The following DACH1 variants were observed in gnomAD, a reference collection of about 807,000 sequenced individuals.
DACH1 encodes dachshund homolog 1.
Under a neutral mutation model 54.2 loss-of-function variants are expected in DACH1, and 12 were observed. The ratio of observed to expected loss-of-function variants is 0.22; its 90% CI spans 0.14 to 0.36. The LOEUF (loss-of-function observed/expected upper bound fraction) is 0.36. DACH1 is among the 10% of genes least tolerant of loss of function. DACH1 has a pLI of 1.00. For missense variants in DACH1, 805 were observed against 929.8 expected (o/e 0.87, Z 1.75); for synonymous variants, 386 against 366.2 (o/e 1.05, Z -0.62).
At chr13:71,835,937 C>A (rs1269590827) in intron 1 of DACH1, among the ~76,000 whole-genome samples, 2 of 151,974 alleles carry the variant, frequency 1.3e-5, no homozygotes, top group African/African-American at 4.8e-5. Flanking sequence ...GATATTTATA[C>A]CTCTTAATAC....
chr13:71,673,721 G>A (rs1594080942), intron 2 of DACH1, among the ~76,000 whole-genome samples: 1 of 151,964 alleles, frequency 6.6e-6, no homozygotes, highest in Non-Finnish European at 1.5e-5. Flanking sequence ...TAACAAACCG[G>A]CACGTTCTGC....
At chr13:71,748,896 T>TTCTTTCTC (rs1884768009) in intron 1 of DACH1, among the ~76,000 whole-genome samples, 4 of 64,946 alleles carry the variant, frequency 6.2e-5, no homozygotes, top group African/African-American at 2.9e-4. Flanking sequence ...CTTTCTTTCT[T>TTCTTTCTC]TCTCTTTCTT....
intron 6 of DACH1, among the ~76,000 whole-genome samples, chr13:71,549,007 T>C (rs949969106): frequency 7.9e-5 from 12 of 151,992 alleles, no homozygotes; most frequent in Non-Finnish European, 1.5e-4. Flanking sequence ...ACACATAACC[T>C]TCCTCTGTAG....
At chr13:71,669,194 G>C (rs1880063937) in intron 2 of DACH1, among the ~76,000 whole-genome samples, 1 of 152,130 alleles carries the variant, frequency 6.6e-6, no homozygotes, top group South Asian at 2.1e-4. Context: ...CCACAGACCA[G>C]TATGGGTCCT....
chr13:71,558,364 G>T (rs574688142), intron 5 of DACH1, among the ~76,000 whole-genome samples: 1 of 151,986 alleles, frequency 6.6e-6, no homozygotes, highest in South Asian at 2.1e-4. Context: ...TGTGGATGTG[G>T]ATGTATTTCC....
At chr13:71,510,485 C>T (rs978370739) in intron 6 of DACH1, among the ~76,000 whole-genome samples, 1 of 151,966 alleles carries the variant, frequency 6.6e-6, no homozygotes, top group Non-Finnish European at 1.5e-5. Context: ...CATTCTATTC[C>T]CCTCCTTTCC....
chr13:71,556,942 G>C (rs1181452195), intron 6 of DACH1, 82 bp downstream of exon 6: 22 of 1,353,360 alleles, frequency 1.6e-5, no homozygotes, highest in Non-Finnish European at 1.9e-5. Context: ...ATGATGTAGA[G>C]ATAGACTTCA....
At chr13:71,484,739 T>G (rs1219202985) in intron 7 of DACH1, among the ~76,000 whole-genome samples, 1 of 152,162 alleles carries the variant, frequency 6.6e-6, no homozygotes, top group Admixed American at 6.5e-5. Flanking sequence ...AATAATTTGT[T>G]CACAACCCTA....
At chr13:71,647,850 C>T (rs1428804122) in intron 2 of DACH1, among the ~76,000 whole-genome samples, 2 of 152,180 alleles carry the variant, frequency 1.3e-5, no homozygotes, top group Non-Finnish European at 2.9e-5. Flanking sequence ...TTTGCTATTT[C>T]CAATATTCCA....
intron 3 of DACH1, among the ~76,000 whole-genome samples, chr13:71,629,678 TG>T (rs1876938027): frequency 6.6e-6 from 1 of 152,136 alleles, no homozygotes. Context: ...AGAATTTAAC[TG>T]AATGGCCGTG....
chr13:71,493,808 TC>T (rs1338136558), intron 6 of DACH1, among the ~76,000 whole-genome samples: 1 of 152,086 alleles, frequency 6.6e-6, no homozygotes, highest in Admixed American at 6.6e-5. Flanking sequence ...TAACAATGTA[TC>T]AGTTTGGAGT....
chr13:71,717,907 A>G (rs550179295), intron 1 of DACH1, among the ~76,000 whole-genome samples: 85 of 152,198 alleles, frequency 5.6e-4, no homozygotes, highest in Non-Finnish European at 1.1e-3. Context: ...AAAAAAACAC[A>G]GAAATCAAGT....
intron 1 of DACH1, among the ~76,000 whole-genome samples, chr13:71,711,489 C>T (rs537280348): frequency 3.9e-5 from 6 of 152,170 alleles, no homozygotes; most frequent in South Asian, 4.1e-4. Context: ...CTACCTGATT[C>T]GGTTACTCAA....
intron 10 of DACH1, among the ~76,000 whole-genome samples, chr13:71,449,474 A>G (rs1172727172): frequency 1.3e-5 from 2 of 152,104 alleles, no homozygotes; most frequent in Non-Finnish European, 2.9e-5. Context: ...GAGTTGAACA[A>G]TGAGAACACA....
chr13:71,452,253 G>A (rs1288485672), intron 10 of DACH1, among the ~76,000 whole-genome samples: 1 of 151,820 alleles, frequency 6.6e-6, no homozygotes, highest in African/African-American at 2.4e-5. Context: ...TAGGCCTCCC[G>A]AGTAGCTGGG....
chr13:71,808,116 C>A (rs1887581934), intron 1 of DACH1, among the ~76,000 whole-genome samples: 1 of 152,138 alleles, frequency 6.6e-6, no homozygotes, highest in Non-Finnish European at 1.5e-5. Flanking sequence ...TTCACCATAC[C>A]CACTTACACC....
intron 1 of DACH1, among the ~76,000 whole-genome samples, chr13:71,800,792 T>C (rs1271023875): frequency 6.6e-6 from 1 of 152,070 alleles, no homozygotes; most frequent in Non-Finnish European, 1.5e-5. Flanking sequence ...AGCGGCTAAT[T>C]TGAAGTCCTC....
intron 1 of DACH1, among the ~76,000 whole-genome samples, chr13:71,829,150 T>C (rs1170595170): frequency 6.6e-6 from 1 of 151,914 alleles, no homozygotes; most frequent in African/African-American, 2.4e-5. Context: ...GTTTTAATAG[T>C]TTGTGGTTCT....
At chr13:71,838,498 T>C (rs1373996161) in intron 1 of DACH1, among the ~76,000 whole-genome samples, 4 of 152,182 alleles carry the variant, frequency 2.6e-5, no homozygotes, top group African/African-American at 4.8e-5. Context: ...GAGTTAAAAA[T>C]ACTACATAGA....
Sources: allele counts gnomAD v4.1 joint callset (sites outside exome capture counted in the v4.1 genomes callset), GRCh38; gene constraint gnomAD v4.1.1; transcripts MANE v1.5; gene names NCBI Gene and HGNC (gene_info 2026-07-23, HGNC 2026-07-21).